UTP20: variants seen among roughly 807,000 people sequenced by gnomAD.
UTP20 encodes the protein small subunit processome component 20 homolog.
In UTP20, 164 loss-of-function variants were observed where a neutral mutation model predicts 329.5. The observed-to-expected ratio is 0.50, with a 90% CI of 0.44 to 0.57. The LOEUF (loss-of-function observed/expected upper bound fraction) is 0.57, where lower values mean the gene tolerates loss of function less well. UTP20 is among the 20% of genes least tolerant of loss of function. UTP20 has a pLI of 0.00. For missense variants in UTP20, 3,055 were observed against 3,284.2 expected (o/e 0.93, Z 1.71); for synonymous variants, 1,151 against 1,159.3 (o/e 0.99, Z 0.14).
chr12:101,377,589 C>T (rs1296600748), intron 56 of UTP20, among the ~76,000 whole-genome samples: 1 of 152,162 alleles, frequency 6.6e-6, no homozygotes, highest in African/African-American at 2.4e-5. Flanking sequence ...CTCGGCCTCC[C>T]AAAGTGCTGG....
At chr12:101,360,507 G>A (rs1042257105) in intron 43 of UTP20, among the ~76,000 whole-genome samples, 14 of 152,064 alleles carry the variant, frequency 9.2e-5, no homozygotes, top group African/African-American at 1.7e-4. Context: ...GTCGGGAACC[G>A]TCTATATATA....
intron 19 of UTP20, 59 bp downstream of exon 19, chr12:101,309,898 G>C: frequency 6.8e-7 from 1 of 1,467,276 alleles, no homozygotes; most frequent in Non-Finnish European, 9.5e-7. Flanking sequence ...GAATGATGGG[G>C]CCCAGATTAT....
intron 2 of UTP20, among the ~76,000 whole-genome samples, chr12:101,282,052 T>C (rs1871815566): frequency 6.6e-6 from 1 of 152,174 alleles, no homozygotes; most frequent in African/African-American, 2.4e-5. Flanking sequence ...TCGTTATTCC[T>C]CCTAGCATTT....
intron 43 of UTP20, among the ~76,000 whole-genome samples, chr12:101,360,780 G>T (rs1052282266): frequency 5.9e-5 from 9 of 152,124 alleles, no homozygotes. Flanking sequence ...AGTGAGCTGA[G>T]ATCGCACCAC....
intron 46 of UTP20, among the ~76,000 whole-genome samples, 172 bp from the exon 47 acceptor site, chr12:101,366,386 C>T (rs1043717496): frequency 2.6e-5 from 4 of 151,972 alleles, no homozygotes; most frequent in South Asian, 4.1e-4. Flanking sequence ...TAATCAACAG[C>T]CTAATAATCT....
intron 38 of UTP20, among the ~76,000 whole-genome samples, chr12:101,351,611 T>C (rs968298814): frequency 3.5e-4 from 53 of 150,666 alleles, no homozygotes; most frequent in African/African-American, 1.2e-3. Context: ...ACATGTGCCG[T>C]GGTGGTTTGC....
At chr12:101,321,961 A>G (rs1004319827) in intron 25 of UTP20, among the ~76,000 whole-genome samples, 2 of 150,944 alleles carry the variant, frequency 1.3e-5, no homozygotes, top group Admixed American at 6.6e-5. Flanking sequence ...TATAGAGACT[A>G]AATTTTGTTC....
At chr12:101,325,134 G>C (rs1943074254) in intron 25 of UTP20, among the ~76,000 whole-genome samples, 1 of 152,110 alleles carries the variant, frequency 6.6e-6, no homozygotes, top group Non-Finnish European at 1.5e-5. Context: ...ATTTTACTCA[G>C]AATATAATAG....
chr12:101,315,478 C>T (rs1182426908), intron 21 of UTP20, among the ~76,000 whole-genome samples: 5 of 149,606 alleles, frequency 3.3e-5, no homozygotes, highest in Admixed American at 2.0e-4. Context: ...AGCGAGATTC[C>T]GTCTAAAAAA....
intron 28 of UTP20, among the ~76,000 whole-genome samples, 182 bp from the exon 29 acceptor site, chr12:101,334,243 T>C (rs562868964): frequency 6.6e-6 from 1 of 152,362 alleles, no homozygotes; most frequent in East Asian, 1.9e-4. Context: ...CTTTGCCATT[T>C]TTCCTATGTA....
In UTP20 at chr12:101,298,596, T is replaced by C. The variant is rs115199515; in HGVS notation, c.1431-1086T>C. 5.3e-3 allele frequency among the ~76,000 whole-genome samples: 811 copies of C among 152,206 alleles called. 4 individuals carry two copies. The highest frequency in any genetic ancestry group is 0.018 in the African/African-American group (767 of 41,542). On this transcript the variant is annotated intron_variant, in intron 12 of 61. Transcript: ENST00000261637. ...GATGACTTAAGGAGTATGGACTTCA[T>C]TGGTGGAGCCATTGGCAGGTCTAGA...
At position 101,342,973 on chromosome 12, in the gene UTP20, T is replaced by C. The variant is rs777849689; in HGVS notation, c.4329T>C (p.Asp1443=). The C allele has an allele frequency of 6.2e-7, 1 of 1,613,758 alleles. No homozygotes were observed. The highest frequency in any genetic ancestry group is 8.5e-7 in the Non-Finnish European group (1 of 1,179,936). The stretch of plus-strand genomic sequence containing the variant: ...CCTTCGATCAAAGACATCTTGATGA[T>C]ATCAACTTCGACGTTCGCTTTGAGA... ...LNAFDQRHLD[D]INFDVRFETF... Residue 1443 remains aspartate, a synonymous_variant, in exon 35 of 62, where the codon GAT becomes GAC. Coordinates refer to ENST00000261637, the MANE Select transcript of UTP20 (RefSeq NM_014503.3).
In UTP20 at chr12:101,386,209, GGC is replaced by G; in HGVS notation, c.*88_*89del. On this transcript the variant is annotated 3_prime_UTR_variant, in exon 62 of 62. Transcript: ENST00000261637. ...AGTAGGTTGTCTGGGGTAGGGGGGA[GGC>G]GTTTTTTTTTTTTTTTGAGACAAGG... The G allele has an allele frequency of 7.4e-7, 1 of 1,351,486 alleles. No homozygotes were observed. Among genetic ancestry groups the G allele is most frequent in the Non-Finnish European group, 1.0e-6 (1 of 987,790 alleles). The allele number at this position is 1,351,486 out of a possible 1,614,324, so 83.7% of individuals were successfully genotyped here.
At chr12:101,310,577 C>CAA (rs549641642) in intron 19 of UTP20, among the ~76,000 whole-genome samples, 26 of 44,356 alleles carry the variant, frequency 5.9e-4, no homozygotes, top group African/African-American at 6.6e-4. Context: ...CTCTGTCTCC[C>CAA]AAAAAAAAAA....
At position 101,363,866 on chromosome 12, in the gene UTP20, G is replaced by A. The variant is rs901461677; in HGVS notation, c.5958+123G>A. The A allele has an allele frequency of 1.1e-5, 7 of 647,316 alleles. No individual in the cohort carries two copies. The East Asian group carries it at 1.9e-4, about 17-fold the overall frequency. The allele number at this position is 647,316 out of a possible 1,614,324, so 40.1% of individuals were successfully genotyped here. A position where few individuals can be genotyped will look rare whatever the true frequency, so the allele number is the denominator to read the frequency against. On this transcript the variant is annotated intron_variant, in intron 45 of 61. Transcript: ENST00000261637. ...ACCCATGATTTCCTTTGGTGATAGG[G>A]CCCCAGGACCATATGGCCAGTGAGT...
At chr12:101,294,010 T>A (rs1303343497) in intron 11 of UTP20, among the ~76,000 whole-genome samples, 2 of 152,100 alleles carry the variant, frequency 1.3e-5, no homozygotes, top group South Asian at 4.1e-4. Flanking sequence ...TCGGGTCTAA[T>A]GATTTTTAGC....
intron 56 of UTP20, among the ~76,000 whole-genome samples, chr12:101,375,992 TTAA>T (rs1468176573): frequency 3.3e-5 from 5 of 151,654 alleles, no homozygotes; most frequent in Non-Finnish European, 7.4e-5. Context: ...TGTTTGGTAC[TTAA>T]TAATTTCAGA....
chr12:101,291,010 G>T (rs1271042876), intron 8 of UTP20, 122 bp downstream of exon 8: 1 of 1,038,034 alleles, frequency 9.6e-7, no homozygotes, highest in Non-Finnish European at 1.3e-6. Context: ...TTATACTTCT[G>T]TACACATATT....
intron 40 of UTP20, 69 bp from the exon 41 acceptor site, chr12:101,354,763 A>T: frequency 5.9e-6 from 9 of 1,522,722 alleles, no homozygotes; most frequent in Non-Finnish European, 7.0e-6. Flanking sequence ...TGGTGGGAAA[A>T]ACTGCTTACC....
Sources: allele counts gnomAD v4.1 joint callset (sites outside exome capture counted in the v4.1 genomes callset), GRCh38; gene constraint gnomAD v4.1.1; transcripts MANE v1.5; gene names NCBI Gene and HGNC (gene_info 2026-07-23, HGNC 2026-07-21).